Variants in LRRC7 observed in about 807,000 individuals in gnomAD.
LRRC7 encodes leucine rich repeat containing 7.
Under a neutral mutation model 175.7 loss-of-function variants are expected in LRRC7, and 23 were observed. The ratio of observed to expected loss-of-function variants is 0.13; its 90% CI spans 0.09 to 0.19. The LOEUF (loss-of-function observed/expected upper bound fraction) is 0.19, where lower values mean the gene tolerates loss of function less well. LRRC7 is among the 10% of genes least tolerant of loss of function. The pLI is 1.00. For missense variants in LRRC7, 1,354 were observed against 1,904.7 expected (o/e 0.71, Z 5.38); for synonymous variants, 685 against 680.9 (o/e 1.01, Z -0.09).
intron 7 of LRRC7, among the ~76,000 whole-genome samples, chr1:69,870,640 CCTAGA>C (rs1685436012): frequency 6.6e-6 from 1 of 152,040 alleles, no homozygotes; most frequent in Admixed American, 6.6e-5. Context: ...ATTCCCGATG[CCTAGA>C]ATTCCTTCTC....
At chr1:69,889,216 G>A (rs1284717548) in intron 7 of LRRC7, among the ~76,000 whole-genome samples, 1 of 152,122 alleles carries the variant, frequency 6.6e-6, no homozygotes, top group African/African-American at 2.4e-5. Flanking sequence ...TTAAGGTTAT[G>A]GTGGCTCCGG....
At chr1:69,658,757 G>A (rs1043414833) in intron 1 of LRRC7, among the ~76,000 whole-genome samples, 6 of 151,936 alleles carry the variant, frequency 3.9e-5, no homozygotes, top group Non-Finnish European at 8.8e-5. Context: ...GAATCACATC[G>A]CAAAGTTTTT....
At chr1:69,762,392 C>T (rs970816736) in intron 3 of LRRC7, among the ~76,000 whole-genome samples, 5 of 151,894 alleles carry the variant, frequency 3.3e-5, no homozygotes, top group Admixed American at 6.6e-5. Context: ...GGCAAGTGCT[C>T]GGTGATGTAT....
rs1362978938 is a variant in LRRC7, at chr1:70,130,098, A to G, written c.*8211A>G. On this transcript the variant is annotated 3_prime_UTR_variant, in exon 27 of 27. Transcript: ENST00000651989. ...GAAAAAAATTTCTGTACTCAGCACT[A>G]CCATATTAATTTTTTCTTATGTTTT... The G allele has an allele frequency of 3.3e-5, 5 of 152,112 alleles. No homozygotes were observed. Among genetic ancestry groups the G allele is most frequent in the Admixed American group, 2.0e-4 (3 of 15,266 alleles). 9.4% of individuals were successfully genotyped at this position (152,112 alleles called of 1,614,324 possible). A position where few individuals can be genotyped will look rare whatever the true frequency, so the allele number is the denominator to read the frequency against.
intron 2 of LRRC7, among the ~76,000 whole-genome samples, chr1:69,724,279 T>C (rs1393080137): frequency 3.3e-5 from 5 of 152,072 alleles, no homozygotes; most frequent in African/African-American, 1.2e-4. Context: ...CAGGCGGAGG[T>C]TGCAGTGAAC....
chr1:69,755,103 A>G lies in LRRC7; in HGVS notation c.101-5088A>G, dbSNP rs190973806. 1.3e-3 allele frequency among the ~76,000 whole-genome samples: 192 copies of G among 152,038 alleles called. 1 individual carries two copies. The highest frequency in any genetic ancestry group is 2.1e-3 in the Non-Finnish European group (144 of 67,958). ...GGACGCCAAAGGAAGAGTGTTTTTA[A>G]AAGGACAATATAGTTCTGTGCCCAG... On this transcript the variant is annotated intron_variant, in intron 2 of 26. Transcript: ENST00000651989.
Position 70,114,499 on chromosome 1 carries a change from G to A in LRRC7, c.4620+6673G>A, listed in dbSNP as rs1353962348. On this transcript the variant is annotated intron_variant, in intron 26 of 26. Coordinates refer to ENST00000651989, the MANE Select transcript of LRRC7 (RefSeq NM_001370785.2). ...GGCCAGGAGTTCAAGACCAGCCTAGGCAACATAGCAGACCCCGTCTCTACG... is the reference window on the plus strand; with the variant it reads ...GGCCAGGAGTTCAAGACCAGCCTAGACAACATAGCAGACCCCGTCTCTACG... 2.0e-5 allele frequency among the ~76,000 whole-genome samples: 3 copies of A among 152,192 alleles called. No individual in the cohort carries two copies. The East Asian group carries it at 5.8e-4, about 29-fold the overall frequency.
At chr1:69,977,284 G>C (rs1366937309) in intron 8 of LRRC7, among the ~76,000 whole-genome samples, 1 of 151,866 alleles carries the variant, frequency 6.6e-6, no homozygotes, top group Non-Finnish European at 1.5e-5. Context: ...TATATATACA[G>C]AACACCAATC....
In LRRC7 at chr1:70,139,324, G is replaced by C. The variant is rs1212987901; in HGVS notation, c.*17437G>C. The C allele has an allele frequency of 2.0e-5, 3 of 152,162 alleles. No homozygotes were observed. The highest frequency in any genetic ancestry group is 6.5e-5 in the Admixed American group (1 of 15,270). The allele number at this position is 152,162 out of a possible 1,614,324, so 9.4% of individuals were successfully genotyped here. A position where few individuals can be genotyped will look rare whatever the true frequency, so the allele number is the denominator to read the frequency against. The stretch of plus-strand genomic sequence containing the variant: ...CAAGAACTCATTGAGATTGTCAAAG[G>C]CTTCAGTAATGAACTCTAACAAATA... On this transcript the variant is annotated 3_prime_UTR_variant, in exon 27 of 27. Coordinates refer to ENST00000651989, the MANE Select transcript of LRRC7 (RefSeq NM_001370785.2).
intron 1 of LRRC7, among the ~76,000 whole-genome samples, chr1:69,600,685 T>G (rs1647017548): frequency 6.6e-6 from 1 of 152,168 alleles, no homozygotes; most frequent in South Asian, 2.1e-4. Flanking sequence ...CCCCATGCTT[T>G]TTTCTTATAA....
rs908572582 is a variant in LRRC7 at position 70,126,107 on chromosome 1, G to T, written c.*4220G>T. 6.6e-6 allele frequency among the ~76,000 whole-genome samples: 1 copy of T among 151,962 alleles called. No homozygotes were observed. The highest frequency in any genetic ancestry group is 1.5e-5 in the Non-Finnish European group (1 of 68,006). ...CCTAACCAATTTCTACCCCTCATTA[G>T]CACACCGATCAAATATGTCTGATGA... On this transcript the variant is annotated 3_prime_UTR_variant, in exon 27 of 27. Transcript: ENST00000651989.
rs1666594284 is a variant in LRRC7 at position 70,129,785 on chromosome 1, C to T, written c.*7898C>T. Among the ~76,000 whole-genome samples, 1 of 152,222 alleles carries T rather than the reference C, an allele frequency of 6.6e-6. No homozygotes were observed. Among genetic ancestry groups the T allele is most frequent in the Non-Finnish European group, 1.5e-5 (1 of 68,040 alleles). ...ATACTGTTTGCATGAGATTGGATCA[C>T]ACATACCATGTATCATCAACATCTA... On this transcript the variant is annotated 3_prime_UTR_variant, in exon 27 of 27. Coordinates refer to ENST00000651989, the MANE Select transcript of LRRC7 (RefSeq NM_001370785.2).
intron 2 of LRRC7, among the ~76,000 whole-genome samples, chr1:69,706,059 T>C: frequency 6.6e-6 from 1 of 152,254 alleles, no homozygotes; most frequent in South Asian, 2.1e-4. Context: ...GCTGCCTGAT[T>C]GAATGCTGAA....
chr1:69,982,414 G>A (rs192969049), intron 9 of LRRC7, among the ~76,000 whole-genome samples: 1 of 152,138 alleles, frequency 6.6e-6, no homozygotes, highest in South Asian at 2.1e-4. Flanking sequence ...GCTTTGAATG[G>A]TTCATCTTGA....
At chr1:69,989,946 A>G (rs1227512965) in intron 10 of LRRC7, among the ~76,000 whole-genome samples, 2 of 152,124 alleles carry the variant, frequency 1.3e-5, no homozygotes, top group East Asian at 3.8e-4. Flanking sequence ...CATCAGTGAC[A>G]ATATCTTCTG....
At chr1:69,765,750 G>C (rs1671555493) in intron 3 of LRRC7, among the ~76,000 whole-genome samples, 1 of 151,954 alleles carries the variant, frequency 6.6e-6, no homozygotes, top group Non-Finnish European at 1.5e-5. Context: ...TAAAAACTCA[G>C]GTACTTGCTT....
intron 2 of LRRC7, among the ~76,000 whole-genome samples, chr1:69,721,483 C>CT (rs1307758167): frequency 6.6e-6 from 1 of 151,638 alleles, no homozygotes; most frequent in Non-Finnish European, 1.5e-5. Flanking sequence ...TCAGATTGGC[C>CT]TTTTTCACTT....
At chr1:69,902,078 CATA>C (rs1646150407) in intron 7 of LRRC7, among the ~76,000 whole-genome samples, 1 of 152,156 alleles carries the variant, frequency 6.6e-6, no homozygotes, top group South Asian at 2.1e-4. Flanking sequence ...CTATGACACA[CATA>C]ATAAGACTTC....
intron 1 of LRRC7, among the ~76,000 whole-genome samples, chr1:69,593,893 C>CAATT (rs1186391193): frequency 6.6e-6 from 1 of 152,192 alleles, no homozygotes; most frequent in Admixed American, 6.5e-5. Flanking sequence ...TGAATACACA[C>CAATT]AATTGACCTT....
Sources: gnomAD v4.1 joint callset for allele counts (sites outside exome capture counted in the v4.1 genomes callset) on GRCh38, gnomAD v4.1.1 for gene constraint, MANE v1.5 for transcripts, NCBI Gene and HGNC (gene_info 2026-07-23, HGNC 2026-07-21) for gene names.